BLM: variants seen among roughly 807,000 people sequenced by gnomAD.
BLM encodes the protein recQ-like DNA helicase BLM.
BLM carries 95 observed loss-of-function variants against 135.3 expected under a neutral mutation model. That is an observed-to-expected ratio of 0.70 (90% CI 0.59 to 0.83). BLM has a LOEUF of 0.83. Among genes scored for constraint, BLM ranks in the 40% least tolerant of loss-of-function variants. BLM has a pLI of 0.00. For missense variants in BLM, 1,518 were observed against 1,663.9 expected (o/e 0.91, Z 1.53); for synonymous variants, 520 against 589.2 (o/e 0.88, Z 1.70).
intron 1 of BLM, among the ~76,000 whole-genome samples, chr15:90,727,709 A>T (rs779637562): frequency 2.6e-5 from 4 of 152,124 alleles, no homozygotes; most frequent in Non-Finnish European, 2.9e-5. Flanking sequence ...GTTAGAGAGC[A>T]TTGGAAGCCT....
chr15:90,753,351 T>C (rs774877301), intron 4 of BLM, among the ~76,000 whole-genome samples: 8 of 152,252 alleles, frequency 5.3e-5, no homozygotes, highest in Non-Finnish European at 1.2e-4. Context: ...GATTTCTGCA[T>C]TGTTGTAATC....
intron 12 of BLM, among the ~76,000 whole-genome samples, chr15:90,780,718 A>G (rs1265593581): frequency 6.6e-6 from 1 of 152,238 alleles, no homozygotes. Context: ...GTCCACATGA[A>G]TGAAGTGATG....
At chr15:90,765,502 A>T in intron 9 of BLM, 88 bp downstream of exon 9, 1 of 1,095,246 alleles carries the variant, frequency 9.1e-7, no homozygotes, top group Non-Finnish European at 1.4e-6. Context: ...ATAGTTCGTG[A>T]TTTGTAAAAA....
intron 21 of BLM, among the ~76,000 whole-genome samples, chr15:90,813,819 C>A (rs1246201871): frequency 6.6e-6 from 1 of 152,156 alleles, no homozygotes; most frequent in Non-Finnish European, 1.5e-5. Flanking sequence ...GATTGAGAGT[C>A]CCTGTGCAGT....
At chr15:90,790,068 A>C (rs967338135) in intron 14 of BLM, among the ~76,000 whole-genome samples, 1 of 144,696 alleles carries the variant, frequency 6.9e-6, no homozygotes, top group Non-Finnish European at 1.5e-5. Context: ...GTTTCCATTA[A>C]AATTGTACAA....
At chr15:90,796,432 C>G (rs11855811) in intron 16 of BLM, among the ~76,000 whole-genome samples, 2 of 152,010 alleles carry the variant, frequency 1.3e-5, no homozygotes, top group African/African-American at 2.4e-5. Flanking sequence ...TTGTACACTT[C>G]GCAGCCATAG....
rs948315998 is a variant in BLM at position 90,809,035 on chromosome 15, G to A, written c.3752-102G>A. ...CTGTGTTCCCAGTACCCTGCAGTTAGTTGGCACTTAGCAGACGTGTGCTGA... is the reference window on the plus strand; with the variant it reads ...CTGTGTTCCCAGTACCCTGCAGTTAATTGGCACTTAGCAGACGTGTGCTGA... On this transcript the variant is annotated intron_variant, in intron 19 of 21. Transcript: ENST00000355112. 7.2e-6 allele frequency: 11 copies of A among 1,521,696 alleles called. No homozygotes were observed. The African/African-American group carries it at 1.4e-4, about 19-fold the overall frequency. 94.3% of individuals were successfully genotyped at this position (1,521,696 alleles called of 1,614,324 possible).
intron 5 of BLM, 39 bp downstream of exon 5, chr15:90,754,977 A>T: frequency 6.2e-7 from 1 of 1,609,808 alleles, no homozygotes; most frequent in Non-Finnish European, 8.5e-7. Flanking sequence ...TATTTCAACT[A>T]CTTACTTTTG....
chr15:90,808,700 G>A (rs389480), intron 19 of BLM: 115,001 of 243,314 alleles, frequency 0.47, 28,062 homozygotes, highest in East Asian at 0.64. Flanking sequence ...TGGTTATGCC[G>A]TCTAGGGTGG....
intron 1 of BLM, among the ~76,000 whole-genome samples, chr15:90,720,060 T>C (rs553719580): frequency 5.9e-5 from 9 of 152,364 alleles, no homozygotes; most frequent in African/African-American, 2.2e-4. Context: ...AAAGCTTCTC[T>C]ATCATTTGCC....
chr15:90,745,275 C>T (rs923843461), intron 1 of BLM, among the ~76,000 whole-genome samples: 1 of 152,056 alleles, frequency 6.6e-6, no homozygotes, highest in Admixed American at 6.5e-5. Context: ...TGGATTGAAA[C>T]ACACCTAATA....
At chr15:90,798,847 G>A (rs1897095752) in intron 17 of BLM, among the ~76,000 whole-genome samples, 1 of 152,158 alleles carries the variant, frequency 6.6e-6, no homozygotes, top group African/African-American at 2.4e-5. Flanking sequence ...GCCAGGCATG[G>A]TGGCATGCAC....
chr15:90,801,951 G>A (rs1897174789), intron 17 of BLM, among the ~76,000 whole-genome samples: 1 of 152,162 alleles, frequency 6.6e-6, no homozygotes, highest in South Asian at 2.1e-4. Flanking sequence ...AGCTACTCCA[G>A]AGGCTGATGT....
intron 8 of BLM, among the ~76,000 whole-genome samples, chr15:90,764,680 G>A (rs1234397603): frequency 1.3e-5 from 2 of 152,224 alleles, no homozygotes; most frequent in South Asian, 2.1e-4. Context: ...TAATCCTAGT[G>A]TCATTTTTAG....
chr15:90,722,909 C>T (rs1468160878), intron 1 of BLM, among the ~76,000 whole-genome samples: 2 of 152,224 alleles, frequency 1.3e-5, no homozygotes, highest in South Asian at 2.1e-4. Flanking sequence ...GGCGCGATCT[C>T]GGCTCACTGC....
chr15:90,806,510 CAA>C (rs3079983), intron 19 of BLM, among the ~76,000 whole-genome samples: 9 of 113,414 alleles, frequency 7.9e-5, no homozygotes, highest in East Asian at 2.4e-4. Context: ...GACTCCATCT[CAA>C]AAAAAAAAAA....
intron 8 of BLM, 56 bp downstream of exon 8, chr15:90,763,213 G>C: frequency 2.5e-6 from 4 of 1,572,266 alleles, no homozygotes; most frequent in Non-Finnish European, 3.5e-6. Context: ...TTAAATGAAA[G>C]CTCTTTAATA....
intron 12 of BLM, among the ~76,000 whole-genome samples, chr15:90,775,726 G>C (rs990106651): frequency 2.6e-5 from 4 of 151,954 alleles, no homozygotes; most frequent in African/African-American, 9.7e-5. Context: ...TGGCCAGGCT[G>C]GTCTCAAACT....
chr15:90,766,024 G>A (rs773782926), intron 9 of BLM, among the ~76,000 whole-genome samples: 5 of 152,188 alleles, frequency 3.3e-5, no homozygotes, highest in Non-Finnish European at 5.9e-5. Context: ...GAAGAGGGTC[G>A]CTAGAGCCCA....
Sources: gnomAD v4.1 joint callset for allele counts (sites outside exome capture counted in the v4.1 genomes callset) on GRCh38, gnomAD v4.1.1 for gene constraint, MANE v1.5 for transcripts, NCBI Gene and HGNC (gene_info 2026-07-23, HGNC 2026-07-21) for gene names.